RASGRF2: variants seen among roughly 807,000 people sequenced by gnomAD.
RASGRF2 encodes the protein ras-specific guanine nucleotide-releasing factor 2.
A neutral mutation model predicts 151.0 loss-of-function variants in RASGRF2; 76 were observed. The observed-to-expected ratio is 0.50, with a 90% CI of 0.42 to 0.61. The LOEUF (loss-of-function observed/expected upper bound fraction) is 0.61, where lower values mean the gene tolerates loss of function less well. Ranked by LOEUF, RASGRF2 falls within the 20% of genes least tolerant of loss-of-function variation. The pLI, the probability that RASGRF2 is intolerant of heterozygous loss-of-function variation, is 0.00. For synonymous variants in RASGRF2, 504 were observed against 566.5 expected (o/e 0.89, Z 1.57); for missense variants, 1,148 against 1,564.6 (o/e 0.73, Z 4.49).
At chr5:81,037,016 TGAAG>T (rs1428943109) in intron 1 of RASGRF2, among the ~76,000 whole-genome samples, 8 of 152,096 alleles carry the variant, frequency 5.3e-5, no homozygotes, top group African/African-American at 1.9e-4. Context: ...TGGCAGAAGA[TGAAG>T]GAAGAGCAAA....
At chr5:81,117,021 T>C (rs1753178723) in intron 15 of RASGRF2, among the ~76,000 whole-genome samples, 1 of 152,238 alleles carries the variant, frequency 6.6e-6, no homozygotes, top group African/African-American at 2.4e-5. Flanking sequence ...ATCTATTTGA[T>C]ATCAGCATGA....
intron 17 of RASGRF2, among the ~76,000 whole-genome samples, chr5:81,158,534 G>A (rs1167554392): frequency 6.6e-6 from 1 of 151,782 alleles, no homozygotes; most frequent in Non-Finnish European, 1.5e-5. Context: ...TAGAGAAATA[G>A]GAGAAAATAT....
intron 1 of RASGRF2, among the ~76,000 whole-genome samples, chr5:80,984,917 A>G (rs1748428900): frequency 6.6e-6 from 1 of 152,198 alleles, no homozygotes; most frequent in Non-Finnish European, 1.5e-5. Context: ...TACTTTTAAG[A>G]GTTCTGAAAG....
At chr5:81,129,170 G>A (rs943718716) in intron 17 of RASGRF2, among the ~76,000 whole-genome samples, 8 of 152,124 alleles carry the variant, frequency 5.3e-5, no homozygotes, top group African/African-American at 1.4e-4. Flanking sequence ...TCTGTAAGTG[G>A]TTTAAATAGC....
intron 1 of RASGRF2, among the ~76,000 whole-genome samples, chr5:80,992,299 T>G (rs1580175260): frequency 6.7e-6 from 1 of 149,446 alleles, no homozygotes; most frequent in East Asian, 1.9e-4. Flanking sequence ...AATGCTTCCC[T>G]TAGTGTTGAG....
chr5:81,181,475 T>C (rs1237468150), intron 18 of RASGRF2, among the ~76,000 whole-genome samples: 4 of 152,240 alleles, frequency 2.6e-5, no homozygotes, highest in African/African-American at 9.7e-5. Flanking sequence ...TAATCCTCTA[T>C]GATTCAAATT....
Position 81,207,363 on chromosome 5 carries a change from C to T in RASGRF2, c.3071+14C>T, listed in dbSNP as rs1345332497. The stretch of plus-strand genomic sequence containing the variant: ...CATTCCCTACGAGTGAGTGCCACCC[C>T]CCACAGCAGCAGGGCTCGGCTGCTC... On this transcript the variant is annotated intron_variant, in intron 21 of 26. Coordinates refer to ENST00000265080, the MANE Select transcript of RASGRF2 (RefSeq NM_006909.3). 1.2e-6 allele frequency: 2 copies of T among 1,605,080 alleles called. No homozygotes were observed. The highest frequency in any genetic ancestry group is 2.2e-5 in the South Asian group (2 of 90,838).
Position 81,112,893 on chromosome 5 carries a change from C to T in RASGRF2, c.2087+35C>T, listed in dbSNP as rs762721639. The T allele has an allele frequency of 1.8e-5, 29 of 1,612,850 alleles. 1 individual carries two copies. In the South Asian group the frequency reaches 3.1e-4, roughly 17 times the overall value. On this transcript the variant is annotated intron_variant, in intron 14 of 26. Coordinates refer to ENST00000265080, the MANE Select transcript of RASGRF2 (RefSeq NM_006909.3). ...TTGCTAGAGGTTAGCCTGTCATTCG[C>T]ATATGGCCCTCTTCGTTCCGGAGTC...
At chr5:81,157,748 G>A (rs1233391871) in intron 17 of RASGRF2, among the ~76,000 whole-genome samples, 1 of 152,168 alleles carries the variant, frequency 6.6e-6, no homozygotes, top group Non-Finnish European at 1.5e-5. Flanking sequence ...GCCAGCAGGG[G>A]AAATGCCAGA....
chr5:81,012,141 C>T (rs756528874), intron 1 of RASGRF2, among the ~76,000 whole-genome samples: 28 of 152,164 alleles, frequency 1.8e-4, no homozygotes, highest in African/African-American at 4.1e-4. Flanking sequence ...GAACTTGTTA[C>T]GTCCTTAATC....
chr5:80,969,291 C>A (rs187202541), intron 1 of RASGRF2, among the ~76,000 whole-genome samples: 2 of 151,500 alleles, frequency 1.3e-5, no homozygotes, highest in African/African-American at 4.9e-5. Context: ...CCACCACACC[C>A]GGCTAACTTT....
intron 1 of RASGRF2, among the ~76,000 whole-genome samples, chr5:81,019,131 C>T (rs950748993): frequency 6.6e-6 from 1 of 152,194 alleles, no homozygotes; most frequent in Non-Finnish European, 1.5e-5. Context: ...CTTGGAATCT[C>T]TCTTCTGACT....
At chr5:81,115,304 A>C (rs543851918) in intron 15 of RASGRF2, among the ~76,000 whole-genome samples, 1 of 152,348 alleles carries the variant, frequency 6.6e-6, no homozygotes, top group East Asian at 1.9e-4. Context: ...CAAGTTAGCA[A>C]CTAAGGAGGA....
chr5:81,101,326 C>T (rs778208807), intron 12 of RASGRF2, among the ~76,000 whole-genome samples: 1 of 152,118 alleles, frequency 6.6e-6, no homozygotes, highest in African/African-American at 2.4e-5. Context: ...TGTACACACT[C>T]ACATATACCA....
chr5:81,133,932 G>GT (rs1753686879), intron 17 of RASGRF2, among the ~76,000 whole-genome samples: 1 of 152,072 alleles, frequency 6.6e-6, no homozygotes, highest in Non-Finnish European at 1.5e-5. Context: ...AGTTGGGCTT[G>GT]GATCGGTTTT....
chr5:81,169,075 C>A (rs778466824), intron 17 of RASGRF2, among the ~76,000 whole-genome samples: 1 of 152,162 alleles, frequency 6.6e-6, no homozygotes, highest in Non-Finnish European at 1.5e-5. Context: ...TGTTTAAATG[C>A]TGATACTCTC....
At chr5:81,027,479 T>C (rs555119659) in intron 1 of RASGRF2, among the ~76,000 whole-genome samples, 2 of 152,334 alleles carry the variant, frequency 1.3e-5, no homozygotes, top group South Asian at 4.1e-4. Context: ...TTCCCCTCGC[T>C]CCTGGCAACC....
At chr5:81,202,900 G>C (rs534526192) in intron 19 of RASGRF2, among the ~76,000 whole-genome samples, 1 of 152,390 alleles carries the variant, frequency 6.6e-6, no homozygotes, top group South Asian at 2.1e-4. Context: ...CCAGGATTCA[G>C]AGGCAGCATA....
At chr5:80,967,355 T>TC (rs1747756684) in intron 1 of RASGRF2, among the ~76,000 whole-genome samples, 1 of 152,052 alleles carries the variant, frequency 6.6e-6, no homozygotes, top group Non-Finnish European at 1.5e-5. Context: ...GCCATTACAC[T>TC]CCAGCCTGGG....
Sources: allele counts gnomAD v4.1 joint callset (sites outside exome capture counted in the v4.1 genomes callset), GRCh38; gene constraint gnomAD v4.1.1; transcripts MANE v1.5; gene names NCBI Gene and HGNC (gene_info 2026-07-23, HGNC 2026-07-21).